NALF1: variants seen among roughly 807,000 people sequenced by gnomAD.
NALF1 encodes family with sequence similarity 155 member A.
In NALF1, 3 loss-of-function variants were observed where a neutral mutation model predicts 48.4. The observed-to-expected ratio is 0.06, with a 90% CI of 0.03 to 0.16. The LOEUF is 0.16. Among genes scored for constraint, NALF1 ranks in the 10% least tolerant of loss-of-function variants. NALF1 has a pLI of 1.00. For missense variants in NALF1, 526 were observed against 571.5 expected, an observed-to-expected ratio of 0.92 and a Z score of 0.81; for synonymous variants, 262 against 245.7, an observed-to-expected ratio of 1.07 and a Z score of -0.62.
At chr13:107,556,296 TACACACACACACACACACACAC>T (rs71121533) in intron 1 of NALF1, among the ~76,000 whole-genome samples, 2 of 98,574 alleles carry the variant, frequency 2.0e-5, no homozygotes, top group African/African-American at 7.5e-5. Flanking sequence ...TATATATATA[TACACACACACACACACACACAC>T]ATATATATAT....
intron 1 of NALF1, among the ~76,000 whole-genome samples, chr13:107,552,756 G>A (rs1188300988): frequency 6.6e-6 from 1 of 152,138 alleles, no homozygotes; most frequent in East Asian, 1.9e-4. Context: ...TTTGTATAAA[G>A]TGGTGCAAGT....
chr13:107,357,598 G>A (rs1437100150), intron 1 of NALF1, among the ~76,000 whole-genome samples: 2 of 152,112 alleles, frequency 1.3e-5, no homozygotes, highest in East Asian at 3.9e-4. Context: ...GAGGGACCAG[G>A]AAACGCCTTA....
chr13:107,537,431 A>G (rs903616749), intron 1 of NALF1, among the ~76,000 whole-genome samples: 2 of 152,160 alleles, frequency 1.3e-5, no homozygotes, highest in Admixed American at 1.3e-4. Flanking sequence ...AATGAAGGAT[A>G]TGAATGGAAC....
chr13:107,352,937 A>G (rs1424785374), intron 1 of NALF1, among the ~76,000 whole-genome samples: 1 of 152,106 alleles, frequency 6.6e-6, no homozygotes, highest in Non-Finnish European at 1.5e-5. Flanking sequence ...TCCAGAGAAG[A>G]AGAGACTGGG....
intron 1 of NALF1, among the ~76,000 whole-genome samples, chr13:107,272,939 A>G (rs556959916): frequency 4.6e-5 from 7 of 152,342 alleles, no homozygotes; most frequent in East Asian, 1.9e-4. Flanking sequence ...GTCTTCACCA[A>G]TGAGAATGTA....
chr13:107,494,856 A>C (rs1178756473), intron 1 of NALF1, among the ~76,000 whole-genome samples: 1 of 152,204 alleles, frequency 6.6e-6, no homozygotes, highest in Non-Finnish European at 1.5e-5. Context: ...AACAAAACAG[A>C]GAATACTGAA....
intron 1 of NALF1, among the ~76,000 whole-genome samples, chr13:107,780,440 A>G (rs1877855879): frequency 6.6e-6 from 1 of 152,044 alleles, no homozygotes; most frequent in South Asian, 2.1e-4. Context: ...GATTAAAATT[A>G]TGGTTATTTC....
At chr13:107,675,012 G>A (rs1881078696) in intron 1 of NALF1, among the ~76,000 whole-genome samples, 1 of 152,170 alleles carries the variant, frequency 6.6e-6, no homozygotes, top group Non-Finnish European at 1.5e-5. Context: ...GTTACAAAGT[G>A]AGGACGACAC....
Position 107,536,050 on chromosome 13 carries a change from A to T in NALF1, c.916-325295T>A, listed in dbSNP as rs539758134. On this transcript the variant is annotated intron_variant, in intron 1 of 2. Transcript: ENST00000375915. ...TGTAGAAAGCTGAAACTGGATCCCT[A>T]CCTTACACCTTATACAAAAATGAAT... 6.6e-5 allele frequency among the ~76,000 whole-genome samples: 10 copies of T among 152,164 alleles called. No individual in the cohort carries two copies. In the East Asian group the frequency reaches 1.7e-3, roughly 26 times the overall value.
intron 1 of NALF1, among the ~76,000 whole-genome samples, chr13:107,822,887 A>G (rs879474144): frequency 6.6e-6 from 1 of 152,218 alleles, no homozygotes; most frequent in Non-Finnish European, 1.5e-5. Context: ...AGTTAAACCA[A>G]AAATTCATGG....
intron 1 of NALF1, among the ~76,000 whole-genome samples, chr13:107,294,602 T>C (rs2138886048): frequency 6.6e-6 from 1 of 152,350 alleles, no homozygotes; most frequent in Admixed American, 6.5e-5. Context: ...CATATAATGC[T>C]TAACAACGCT....
chr13:107,357,265 C>T (rs748394836), intron 1 of NALF1, among the ~76,000 whole-genome samples: 5 of 152,042 alleles, frequency 3.3e-5, no homozygotes, highest in Non-Finnish European at 5.9e-5. Flanking sequence ...CATATGGCAG[C>T]AGGAGAGAGA....
intron 1 of NALF1, among the ~76,000 whole-genome samples, chr13:107,538,196 G>A (rs929244048): frequency 3.9e-5 from 6 of 152,080 alleles, no homozygotes. Context: ...ACCAACTTGT[G>A]CCATATATTC....
chr13:107,453,080 T>A (rs1291456953), intron 1 of NALF1, among the ~76,000 whole-genome samples: 1 of 152,220 alleles, frequency 6.6e-6, no homozygotes, highest in Admixed American at 6.5e-5. Flanking sequence ...GCTGCTTTCA[T>A]GGCTGGCATT....
At position 107,170,271 on chromosome 13, in the gene NALF1, T is replaced by C. The variant is rs1266574494; in HGVS notation, c.*226A>G. The C allele has an allele frequency of 2.2e-6, 1 of 459,138 alleles. No homozygotes were observed. The highest frequency in any genetic ancestry group is 3.9e-6 in the Non-Finnish European group (1 of 259,626). 28.4% of individuals were successfully genotyped at this position (459,138 alleles called of 1,614,324 possible). On this transcript the variant is annotated 3_prime_UTR_variant, in exon 3 of 3. Transcript: ENST00000375915. ...AAAACCTCCAAACATTAAAACACAG[T>C]GTATAAAATGGTGTGAGAAATTTAA...
At chr13:107,602,912 G>A (rs1009320595) in intron 1 of NALF1, among the ~76,000 whole-genome samples, 1 of 152,070 alleles carries the variant, frequency 6.6e-6, no homozygotes, top group Non-Finnish European at 1.5e-5. Flanking sequence ...GAGTAATTTT[G>A]TGGCAAATCT....
Position 107,866,440 on chromosome 13 carries a change from A to C in NALF1, c.157T>G (p.Ser53Ala), listed in dbSNP as rs1361699603. 6.2e-7 allele frequency: 1 copy of C among 1,614,130 alleles called. No homozygotes were observed. Among genetic ancestry groups the C allele is most frequent in the African/African-American group, 1.3e-5 (1 of 75,046 alleles). ...ASLLFFTVLL[S>A]DHLWFCAEAK... ...TCGGCGCAGAACCACAAGTGATCAGAGAGCAGGACTGTGAAAAACAAGAGA... is the reference window on the plus strand; with the variant it reads ...TCGGCGCAGAACCACAAGTGATCAGCGAGCAGGACTGTGAAAAACAAGAGA... Residue 53 changes from serine to alanine, a missense_variant, in exon 1 of 3, where the codon TCT becomes GCT. By Grantham distance (99) the Ser-to-Ala change is moderately conservative (BLOSUM62 1). This residue lies in a region of NALF1 where 373 missense variants were observed against 355.5 expected (regional missense o/e 1.05). Coordinates refer to ENST00000375915, the MANE Select transcript of NALF1 (RefSeq NM_001080396.3). The surrounding 1 kb of genome is among the most constrained non-coding windows in gnomAD (Gnocchi z 4.4).
chr13:107,554,430 C>T (rs1877393019), intron 1 of NALF1, among the ~76,000 whole-genome samples: 1 of 152,146 alleles, frequency 6.6e-6, no homozygotes, highest in African/African-American at 2.4e-5. Context: ...AAGGTTAATG[C>T]AGAGTTAGTC....
At chr13:107,544,387 G>A (rs1212248691) in intron 1 of NALF1, among the ~76,000 whole-genome samples, 1 of 152,068 alleles carries the variant, frequency 6.6e-6, no homozygotes, top group Non-Finnish European at 1.5e-5. Flanking sequence ...AATGACTCAA[G>A]CCATAATTGA....
Sources: allele counts gnomAD v4.1 joint callset (sites outside exome capture counted in the v4.1 genomes callset), GRCh38; gene constraint gnomAD v4.1.1; regional missense constraint gnomAD v4.1.1; non-coding constraint Gnocchi (gnomAD v3.1); transcripts MANE v1.5; gene names NCBI Gene and HGNC (gene_info 2026-07-23, HGNC 2026-07-21).